Variants in OR4F3 observed in about 807,000 individuals in gnomAD.
The protein encoded by OR4F3 is olfactory receptor 4F3/4F16/4F29.
chr5:181,359,388 T>C, the OR4F3 span, among the ~76,000 whole-genome samples: 1 of 94,482 alleles, frequency 1.1e-5, no homozygotes, highest in Non-Finnish European at 2.0e-5. Flanking sequence ...CACATATTAA[T>C]CTCATACTTT....
chr5:181,362,297 T>C (rs1252479087), upstream of OR4F3, among the ~76,000 whole-genome samples: 7 of 110,204 alleles, frequency 6.4e-5, 2 homozygotes, highest in Non-Finnish European at 5.1e-5. Flanking sequence ...TTCTCCTGTC[T>C]ACAAGTTTAC....
At chr5:181,357,411 C>T in the OR4F3 span, among the ~76,000 whole-genome samples, 5 of 126,342 alleles carry the variant, frequency 4.0e-5, 1 homozygote, top group African/African-American at 1.4e-4. Flanking sequence ...AGAATGCTCA[C>T]TTGTATCATG....
the OR4F3 span, among the ~76,000 whole-genome samples, chr5:181,354,624 C>T: frequency 8.6e-6 from 1 of 115,738 alleles, no homozygotes; most frequent in East Asian, 2.2e-4. Context: ...AATGGTAGAT[C>T]CACCGACAGC....
At chr5:181,360,774 T>C in the OR4F3 span, among the ~76,000 whole-genome samples, 3 of 131,926 alleles carry the variant, frequency 2.3e-5, no homozygotes, top group Non-Finnish European at 4.8e-5. Flanking sequence ...CTCCTACCTC[T>C]GTGATGTTCT....
upstream of OR4F3, among the ~76,000 whole-genome samples, chr5:181,363,784 A>G (rs1279909084): frequency 1.1e-5 from 1 of 88,372 alleles, no homozygotes; most frequent in African/African-American, 8.7e-5. Flanking sequence ...ATAGTATAAA[A>G]GGCAATATTT....
the OR4F3 span, among the ~76,000 whole-genome samples, chr5:181,357,276 AT>A: frequency 3.7e-5 from 5 of 134,014 alleles, 1 homozygote; most frequent in Middle Eastern, 3.7e-3. Context: ...ACCAGAATAT[AT>A]TTCTACTATC....
chr5:181,362,546 C>A, upstream of OR4F3, among the ~76,000 whole-genome samples: 1 of 122,932 alleles, frequency 8.1e-6, no homozygotes. Context: ...GGGGGGGGTG[C>A]TGGGAAATAT....
the OR4F3 span, among the ~76,000 whole-genome samples, chr5:181,359,428 TATG>T: frequency 9.7e-6 from 1 of 103,604 alleles, no homozygotes; most frequent in Admixed American, 8.4e-5. Context: ...AATTGAATAT[TATG>T]GTAATCGTTA....
the OR4F3 span, among the ~76,000 whole-genome samples, chr5:181,357,368 C>T: frequency 7.9e-4 from 103 of 130,508 alleles, 19 homozygotes; most frequent in Non-Finnish European, 1.2e-3. Flanking sequence ...GTTCTTTAAC[C>T]GCAAACCCCA....
chr5:181,356,559 G>C, the OR4F3 span, among the ~76,000 whole-genome samples: 3 of 132,850 alleles, frequency 2.3e-5, 1 homozygote, highest in Non-Finnish European at 4.8e-5. Context: ...TCACAATGTG[G>C]TTTCAGGCAC....
the OR4F3 span, among the ~76,000 whole-genome samples, chr5:181,358,640 C>G: frequency 1.6e-5 from 1 of 60,890 alleles, no homozygotes; most frequent in East Asian, 3.0e-4. Flanking sequence ...GCATGTTTCC[C>G]TTTAAACTCC....
the OR4F3 span, among the ~76,000 whole-genome samples, chr5:181,356,969 A>G: frequency 2.2e-5 from 3 of 134,608 alleles, no homozygotes; most frequent in East Asian, 6.0e-4. Flanking sequence ...TCTCTATGTG[A>G]TATTTTGTAT....
the OR4F3 span, among the ~76,000 whole-genome samples, chr5:181,356,897 A>G: frequency 0.018 from 2,213 of 125,348 alleles, 10 homozygotes; most frequent in African/African-American, 0.083. Context: ...AAATACTAAT[A>G]GGGTAAATAA....
the OR4F3 span, among the ~76,000 whole-genome samples, chr5:181,359,161 T>C: frequency 7.7e-6 from 1 of 130,326 alleles, no homozygotes; most frequent in Admixed American, 7.4e-5. Flanking sequence ...TTTGAGAGAA[T>C]CCTAAATTCA....
At chr5:181,359,695 G>GCAT in the OR4F3 span, among the ~76,000 whole-genome samples, 1,864 of 132,492 alleles carry the variant, frequency 0.014, 61 homozygotes, top group African/African-American at 0.058. Flanking sequence ...GATCTCCAAG[G>GCAT]CATCACTTTG....
chr5:181,360,761 GTCC>G, the OR4F3 span, among the ~76,000 whole-genome samples: 2 of 131,226 alleles, frequency 1.5e-5, 1 homozygote, highest in Non-Finnish European at 3.2e-5. Flanking sequence ...GCCAGCACTT[GTCC>G]TCCTACCTCT....
At chr5:181,359,501 G>C in the OR4F3 span, among the ~76,000 whole-genome samples, 2 of 105,292 alleles carry the variant, frequency 1.9e-5, 1 homozygote, top group Non-Finnish European at 3.4e-5. Context: ...TTCACCTTTA[G>C]TCATAAAATA....
At chr5:181,354,462 C>T in the OR4F3 span, among the ~76,000 whole-genome samples, 2 of 132,148 alleles carry the variant, frequency 1.5e-5, no homozygotes, top group Admixed American at 7.2e-5. Context: ...GATCTCCAGA[C>T]AGAAGTTTGC....
At chr5:181,358,376 G>A in the OR4F3 span, among the ~76,000 whole-genome samples, 2 of 132,094 alleles carry the variant, frequency 1.5e-5, 1 homozygote, top group Non-Finnish European at 3.2e-5. Context: ...GGGGTAGTAA[G>A]TATGATGGAA....
Sources: allele counts gnomAD v4.1 joint callset (sites outside exome capture counted in the v4.1 genomes callset), GRCh38; gene constraint gnomAD v4.1.1; transcripts MANE v1.5; gene names NCBI Gene and HGNC (gene_info 2026-07-23, HGNC 2026-07-21).